Variants in GTF2A1 observed in about 807,000 individuals in gnomAD.
GTF2A1 encodes the protein transcription initiation factor IIA subunit 1.
Under a neutral mutation model 54.1 loss-of-function variants are expected in GTF2A1, and 12 were observed. The ratio of observed to expected loss-of-function variants is 0.22; its 90% CI spans 0.14 to 0.36. The LOEUF is 0.36. Ranked by LOEUF, GTF2A1 falls within the 10% of genes least tolerant of loss-of-function variation. GTF2A1 has a pLI of 1.00. For missense variants in GTF2A1, 335 were observed against 442.2 expected, an observed-to-expected ratio of 0.76 and a Z score of 2.17; for synonymous variants, 145 against 152.0, an observed-to-expected ratio of 0.95 and a Z score of 0.34.
chr14:81,189,173 T>C (rs1000773384), intron 7 of GTF2A1, among the ~76,000 whole-genome samples: 2 of 152,254 alleles, frequency 1.3e-5, no homozygotes, highest in South Asian at 2.1e-4. Context: ...ACAGACTTCA[T>C]GGTTAAAAAA....
At position 81,192,554 on chromosome 14, in the gene GTF2A1, CTT is replaced by C. The variant is rs1398090279; in HGVS notation, c.896_897del (p.Lys299ArgfsTer6). ...EDYDDDEEED[K>X]EKDGAEDGQV... is the part of the protein sequence containing the mutation. Reference sequence around the variant, plus strand: ...TGCCCATCTTCAGCTCCATCTTTCTCTTTGTCTTCCTCCTCATCATCATCATA... The same window carrying C: ...TGCCCATCTTCAGCTCCATCTTTCTCTGTCTTCCTCCTCATCATCATCATA... On this transcript the variant is annotated frameshift_variant, in exon 7 of 9. Coordinates refer to ENST00000553612, the MANE Select transcript of GTF2A1 (RefSeq NM_015859.4). LOFTEE classifies it high-confidence loss of function. The C allele has an allele frequency of 5.6e-6, 9 of 1,612,682 alleles. No individual in the cohort carries two copies. The highest frequency in any genetic ancestry group is 1.3e-5 in the African/African-American group (1 of 74,822).
At chr14:81,219,397 G>A (rs1893559550) in intron 1 of GTF2A1, among the ~76,000 whole-genome samples, 2 of 152,238 alleles carry the variant, frequency 1.3e-5, no homozygotes, top group Non-Finnish European at 2.9e-5. Context: ...TTTAAATGGA[G>A]AGGCGGTGAC....
intron 4 of GTF2A1, among the ~76,000 whole-genome samples, chr14:81,200,951 A>C (rs748733356): frequency 6.6e-6 from 1 of 151,760 alleles, no homozygotes; most frequent in African/African-American, 2.4e-5. Flanking sequence ...GGATCTGAAG[A>C]GGTTCTTTCA....
intron 5 of GTF2A1, 70 bp downstream of exon 5, chr14:81,197,339 C>CA: frequency 1.3e-6 from 1 of 762,072 alleles, no homozygotes; most frequent in South Asian, 1.7e-5. Flanking sequence ...TCAAAGAAGA[C>CA]AAAACCTAAG....
At chr14:81,198,343 G>A (rs1374929067) in intron 4 of GTF2A1, among the ~76,000 whole-genome samples, 1 of 152,170 alleles carries the variant, frequency 6.6e-6, no homozygotes, top group Non-Finnish European at 1.5e-5. Flanking sequence ...TACTTGGGAG[G>A]GTGAGGTGGG....
At chr14:81,201,933 G>A (rs1036584474) in intron 3 of GTF2A1, among the ~76,000 whole-genome samples, 2 of 152,162 alleles carry the variant, frequency 1.3e-5, no homozygotes, top group African/African-American at 4.8e-5. Flanking sequence ...GCCAAGGCGG[G>A]TGGATCACTT....
intron 2 of GTF2A1, among the ~76,000 whole-genome samples, chr14:81,214,342 AT>A (rs1893438305): frequency 6.6e-6 from 1 of 152,092 alleles, no homozygotes; most frequent in Admixed American, 6.5e-5. Context: ...TCTCAGGACG[AT>A]TTATCAAATT....
In GTF2A1 at chr14:81,211,875, T is replaced by TTTTATATA. The variant is rs1555390540; in HGVS notation, c.132+4537_132+4538insTATATAAA. 1.0e-4 allele frequency among the ~76,000 whole-genome samples: 7 copies of TTTTATATA among 68,488 alleles called. No homozygotes were observed. The East Asian group carries it at 1.3e-3, about 12-fold the overall frequency. The allele number at this position is 68,488 out of a possible 152,430, so 44.9% of individuals were successfully genotyped here. On this transcript the variant is annotated intron_variant, in intron 2 of 8. Coordinates refer to ENST00000553612, the MANE Select transcript of GTF2A1 (RefSeq NM_015859.4). ...ACATAATTAGAGTGTATCAAGTACT[T>TTTTATATA]TATATATATATATATATATATATAT...
At chr14:81,200,885 C>CACAA (rs1893091782) in intron 4 of GTF2A1, among the ~76,000 whole-genome samples, 1 of 111,100 alleles carries the variant, frequency 9.0e-6, no homozygotes, top group African/African-American at 4.1e-5. Flanking sequence ...ATGTTTTATC[C>CACAA]AAAAAAAAAA....
chr14:81,218,514 T>C (rs1408735026), intron 1 of GTF2A1, among the ~76,000 whole-genome samples: 2 of 152,186 alleles, frequency 1.3e-5, no homozygotes, highest in Non-Finnish European at 1.5e-5. Context: ...ATAGGAGTAT[T>C]TGAAATAAGC....
intron 6 of GTF2A1, among the ~76,000 whole-genome samples, chr14:81,195,828 T>TATTGA (rs1201332728): frequency 6.6e-6 from 1 of 151,960 alleles, no homozygotes; most frequent in Admixed American, 6.6e-5. Context: ...AGTAACTGCT[T>TATTGA]ATTGAATAAA....
At chr14:81,200,999 A>T (rs1056757024) in intron 4 of GTF2A1, among the ~76,000 whole-genome samples, 4 of 152,208 alleles carry the variant, frequency 2.6e-5, no homozygotes, top group Admixed American at 6.5e-5. Context: ...GTTGAGAAAT[A>T]TTATATGTCT....
intron 3 of GTF2A1, among the ~76,000 whole-genome samples, chr14:81,203,218 G>C (rs1033350820): frequency 3.3e-5 from 5 of 152,202 alleles, no homozygotes; most frequent in Non-Finnish European, 5.9e-5. Flanking sequence ...TAAGATGCCA[G>C]TGAAACAGTA....
intron 2 of GTF2A1, chr14:81,209,749 C>T (rs1335189787): frequency 1.1e-5 from 4 of 374,580 alleles, no homozygotes; most frequent in South Asian, 6.3e-5. Context: ...CTATTCCTTA[C>T]GATCAGCAGT....
In GTF2A1 at chr14:81,205,942, ACT is replaced by A. The variant is rs908349536; in HGVS notation, c.133-1840_133-1839del. 5.9e-5 allele frequency among the ~76,000 whole-genome samples: 9 copies of A among 152,054 alleles called. No homozygotes were observed. The South Asian group carries it at 6.2e-4, about 11-fold the overall frequency. On this transcript the variant is annotated intron_variant, in intron 2 of 8. Transcript: ENST00000553612. ...ATTATATATAGTAAGGCTTCCAAAC[ACT>A]CTGTTATCACCCAAACCTTCTACAT...
chr14:81,219,817 TTTTG>T (rs1329478097), intron 1 of GTF2A1, among the ~76,000 whole-genome samples: 7 of 152,192 alleles, frequency 4.6e-5, no homozygotes, highest in Non-Finnish European at 7.4e-5. Flanking sequence ...TGCAGGCTTT[TTTTG>T]TTTGTTTTGG....
Position 81,197,430 on chromosome 14 carries a change from G to T in GTF2A1, c.457C>A (p.Gln153Lys), listed in dbSNP as rs1238864494. ...LALPAGVTPV[Q>K]QILTNSGQLL... ...TTACCTGAATTTGTTAATATCTGCT[G>T]AACAGGAGTCACACCTGCAGGGAGT... The change falls in exon 5 of 9, where the codon CAG (glutamine) becomes AAG (lysine). Residue 153 changes from glutamine to lysine, a missense_variant. Coordinates refer to ENST00000553612, the MANE Select transcript of GTF2A1 (RefSeq NM_015859.4). The T allele has an allele frequency of 1.3e-6, 2 of 1,571,822 alleles. No homozygotes were observed. The highest frequency in any genetic ancestry group is 1.1e-5 in the South Asian group (1 of 87,970).
In GTF2A1 at chr14:81,177,738, G is replaced by A. The variant is rs747838776; in HGVS notation, c.*2485C>T. The A allele has an allele frequency of 4.6e-5, 7 of 152,052 alleles. No homozygotes were observed. The highest frequency in any genetic ancestry group is 8.8e-5 in the Non-Finnish European group (6 of 67,942). The allele number at this position is 152,052 out of a possible 1,614,324, so 9.4% of individuals were successfully genotyped here. On this transcript the variant is annotated 3_prime_UTR_variant, in exon 9 of 9. Coordinates refer to ENST00000553612, the MANE Select transcript of GTF2A1 (RefSeq NM_015859.4). ...ATGACATTTTAATGGAACCTAATAC[G>A]AAATGATTTGTTAAATACAATGTTA...
intron 2 of GTF2A1, among the ~76,000 whole-genome samples, chr14:81,213,565 T>G (rs1256382084): frequency 6.6e-6 from 1 of 152,098 alleles, no homozygotes; most frequent in Non-Finnish European, 1.5e-5. Flanking sequence ...AAGTATAACA[T>G]AAATTGCAAA....
Sources: allele counts gnomAD v4.1 joint callset (sites outside exome capture counted in the v4.1 genomes callset), GRCh38; gene constraint gnomAD v4.1.1; transcripts MANE v1.5; gene names NCBI Gene and HGNC (gene_info 2026-07-23, HGNC 2026-07-21).